Variants in TPST1 observed in about 807,000 individuals in gnomAD.
The protein encoded by TPST1 is tyrosylprotein sulfotransferase 1.
TPST1 carries 20 observed loss-of-function variants against 34.8 expected under a neutral mutation model. The ratio of observed to expected loss-of-function variants is 0.57; its 90% confidence interval spans 0.40 to 0.84. The LOEUF (loss-of-function observed/expected upper bound fraction) is 0.84, where lower values mean the gene tolerates loss of function less well. Ranked by LOEUF, TPST1 falls within the 40% of genes least tolerant of loss-of-function variation. The pLI, the probability that TPST1 is intolerant of heterozygous loss-of-function variation, is 0.00. For synonymous variants in TPST1, 152 were observed against 159.4 expected (o/e 0.95, Z 0.35); for missense variants, 353 against 455.5 (o/e 0.78, Z 2.05).
intron 2 of TPST1, among the ~76,000 whole-genome samples, chr7:66,247,555 T>A (rs1476509003): frequency 2.0e-5 from 3 of 152,134 alleles, no homozygotes; most frequent in African/African-American, 7.2e-5. Flanking sequence ...TCCTCAAGCT[T>A]GGTATGACAT....
intron 1 of TPST1, among the ~76,000 whole-genome samples, chr7:66,234,434 C>CACACACAG (rs1554342912): frequency 1.4e-5 from 2 of 140,230 alleles, no homozygotes; most frequent in Middle Eastern, 3.8e-3. Flanking sequence ...CACACACAGA[C>CACACACAG]ACACACACAC....
chr7:66,350,447 C>T (rs538781167), intron 3 of TPST1, among the ~76,000 whole-genome samples: 17 of 152,142 alleles, frequency 1.1e-4, no homozygotes, highest in African/African-American at 4.1e-4. Context: ...GTTCACTTTC[C>T]AGGGCCATGC....
Position 66,304,657 on chromosome 7 carries a change from G to A in TPST1, c.1044+17948G>A, listed in dbSNP as rs374889178. ...CTTAACATGTTGTAACTATCGCTTA[G>A]CAAACTGAAAACATGCTAAGCACTC... On this transcript the variant is annotated intron_variant, in intron 3 of 5. Coordinates refer to ENST00000304842, the MANE Select transcript of TPST1 (RefSeq NM_003596.4). Among the ~76,000 whole-genome samples, 5 of 152,280 alleles carry A rather than the reference G, an allele frequency of 3.3e-5. No individual in the cohort carries two copies. In the East Asian group the frequency reaches 9.6e-4, roughly 29 times the overall value.
At chr7:66,350,144 G>A (rs1373677693) in intron 3 of TPST1, among the ~76,000 whole-genome samples, 2 of 152,182 alleles carry the variant, frequency 1.3e-5, no homozygotes, top group Admixed American at 1.3e-4. Context: ...CTCCTGAGTA[G>A]CTGGGATTAC....
chr7:66,303,908 G>A (rs999173317), intron 3 of TPST1, among the ~76,000 whole-genome samples: 7 of 152,160 alleles, frequency 4.6e-5, no homozygotes, highest in African/African-American at 1.7e-4. Flanking sequence ...TCAGATATGA[G>A]GCTCTTGGAG....
chr7:66,330,724 T>C (rs2088655), intron 3 of TPST1, among the ~76,000 whole-genome samples: 101,197 of 151,878 alleles, frequency 0.67, 34,104 homozygotes, highest in African/African-American at 0.76. Flanking sequence ...TAGGCTTTAC[T>C]GCTCCTCTCC....
intron 2 of TPST1, among the ~76,000 whole-genome samples, chr7:66,270,215 T>C (rs1481657625): frequency 6.6e-6 from 1 of 152,158 alleles, no homozygotes; most frequent in Non-Finnish European, 1.5e-5. Flanking sequence ...TACAAAGATG[T>C]CAATAGGACT....
At chr7:66,344,079 A>C (rs532884744) in intron 3 of TPST1, among the ~76,000 whole-genome samples, 38 of 152,344 alleles carry the variant, frequency 2.5e-4, no homozygotes, top group African/African-American at 8.4e-4. Context: ...TCCAAAACTT[A>C]AACTGCAAAG....
intron 3 of TPST1, among the ~76,000 whole-genome samples, chr7:66,300,472 T>C (rs752054037): frequency 1.3e-5 from 2 of 152,354 alleles, no homozygotes; most frequent in African/African-American, 2.4e-5. Context: ...ATCTGTCTGA[T>C]TCTTCCAAAT....
rs1242274845 is a variant in TPST1, at chr7:66,350,174, C to T, written c.1045-2331C>T. ...GATTACAGGCGCCTGCCAACACGCT[C>T]AGCTAATTTTTTGTATTTTAAGTAG... On this transcript the variant is annotated intron_variant, in intron 3 of 5. Transcript: ENST00000304842. Among the ~76,000 whole-genome samples the T allele has an allele frequency of 2.6e-5, 4 of 152,166 alleles. No individual in the cohort carries two copies. In the East Asian group the frequency reaches 5.8e-4, roughly 22 times the overall value.
At chr7:66,358,715 T>C (rs960778628) in intron 5 of TPST1, among the ~76,000 whole-genome samples, 29 of 151,860 alleles carry the variant, frequency 1.9e-4, no homozygotes, top group African/African-American at 6.5e-4. Context: ...ATGTTAGTCT[T>C]ATGCCCTGTG....
intron 2 of TPST1, among the ~76,000 whole-genome samples, chr7:66,285,180 T>C (rs1791010985): frequency 6.6e-6 from 1 of 152,188 alleles, no homozygotes; most frequent in South Asian, 2.1e-4. Flanking sequence ...GTAATACAGT[T>C]TATGCAATAC....
chr7:66,214,661 A>C (rs1789350504), intron 1 of TPST1, among the ~76,000 whole-genome samples: 2 of 150,808 alleles, frequency 1.3e-5, no homozygotes, highest in Admixed American at 1.3e-4. Flanking sequence ...ATAAAAAAAT[A>C]TGAAAATTAG....
chr7:66,284,551 CT>C (rs5884585), intron 2 of TPST1, among the ~76,000 whole-genome samples: 60,945 of 77,100 alleles, frequency 0.79, 23,807 homozygotes, highest in African/African-American at 0.84. Flanking sequence ...ACTGTCTTAG[CT>C]TTTTTTTTTT....
intron 3 of TPST1, among the ~76,000 whole-genome samples, chr7:66,350,568 A>G (rs1792456611): frequency 6.6e-6 from 1 of 152,012 alleles, no homozygotes; most frequent in African/African-American, 2.4e-5. Context: ...TAGGCATTGC[A>G]GGAAAAAAAA....
At chr7:66,270,881 C>T (rs1790690971) in intron 2 of TPST1, among the ~76,000 whole-genome samples, 1 of 152,150 alleles carries the variant, frequency 6.6e-6, no homozygotes, top group African/African-American at 2.4e-5. Context: ...CTAGATTCAT[C>T]AATTTGTTGA....
Position 66,352,496 on chromosome 7 carries a change from T to C in TPST1, c.1045-9T>C. 1 of 1,611,626 alleles carries C rather than the reference T, an allele frequency of 6.2e-7. No homozygotes were observed. Among genetic ancestry groups the C allele is most frequent in the South Asian group, 1.1e-5 (1 of 90,642 alleles). On this transcript the variant is annotated splice_polypyrimidine_tract_variant and intron_variant, in intron 3 of 5. Transcript: ENST00000304842. ...TTGCCTTAAACTCACGCCTGCTTTG[T>C]TTTTCCAGGTCTATAAGGGAGAATT...
At chr7:66,230,423 T>G (rs920315632) in intron 1 of TPST1, among the ~76,000 whole-genome samples, 3 of 152,192 alleles carry the variant, frequency 2.0e-5, no homozygotes, top group Non-Finnish European at 2.9e-5. Context: ...CTTAAGGTGG[T>G]GCGTCTGGAG....
At chr7:66,238,498 C>T (rs182549190) in intron 1 of TPST1, among the ~76,000 whole-genome samples, 19 of 151,286 alleles carry the variant, frequency 1.3e-4, no homozygotes, top group Non-Finnish European at 1.9e-4. Flanking sequence ...GTTAGTGAGA[C>T]CTGGCCTGCC....
Sources: allele counts gnomAD v4.1 joint callset (sites outside exome capture counted in the v4.1 genomes callset), GRCh38; gene constraint gnomAD v4.1.1; transcripts MANE v1.5; gene names NCBI Gene and HGNC (gene_info 2026-07-23, HGNC 2026-07-21).